Variants in OR9Q1 observed in about 807,000 individuals in gnomAD.
OR9Q1 encodes the protein olfactory receptor 9Q1.
For missense variants in OR9Q1, 374 were observed against 378.8 expected, an observed-to-expected ratio of 0.99 and a Z score of 0.11; for synonymous variants, 153 against 148.6, an observed-to-expected ratio of 1.03 and a Z score of -0.22.
At chr11:58,048,679 A>AAATATATATATACATAT (rs745596668) in intron 1 of OR9Q1, among the ~76,000 whole-genome samples, 2 of 131,398 alleles carry the variant, frequency 1.5e-5, no homozygotes, top group African/African-American at 5.6e-5. Flanking sequence ...TAAAAAAAAA[A>AAATATATATATACATAT]ATATATATAT....
In OR9Q1 at chr11:58,180,063, A is replaced by T. The variant is rs1854648209; in HGVS notation, c.619A>T (p.Ile207Phe). 3.7e-6 allele frequency: 6 copies of T among 1,614,024 alleles called. No homozygotes were observed. The South Asian group carries it at 6.6e-5, about 18-fold the overall frequency. The part of the protein sequence containing the change: ...VLIIMFAIFV[I>F]PASMVVILVS... ...GATTATTATGTTTGCCATTTTTGTCATCCCTGCTTCCATGGTGGTGATCTT... is the reference window on the plus strand; with the variant it reads ...GATTATTATGTTTGCCATTTTTGTCTTCCCTGCTTCCATGGTGGTGATCTT... Residue 207 changes from isoleucine (I) to phenylalanine (F), a missense_variant, in exon 3 of 3, where the codon ATC (isoleucine) becomes TTC (phenylalanine). Physicochemically the swap from Ile to Phe is conservative, Grantham distance 21 (BLOSUM62 0). Coordinates refer to ENST00000335397, the MANE Select transcript of OR9Q1 (RefSeq NM_001005212.4).
At chr11:58,123,965 A>G (rs538754428) in intron 2 of OR9Q1, among the ~76,000 whole-genome samples, 35 of 152,294 alleles carry the variant, frequency 2.3e-4, no homozygotes, top group Middle Eastern at 3.4e-3. Context: ...TGCTCAACCA[A>G]TTGGAACCTC....
At chr11:58,040,648 A>G (rs1360526621) in intron 1 of OR9Q1, 1 of 152,198 alleles carries the variant, frequency 6.6e-6, no homozygotes, top group East Asian at 1.9e-4. Flanking sequence ...GAAATATAAA[A>G]TAGAAGCAGC....
chr11:58,158,986 A>C (rs1854433930), intron 2 of OR9Q1, among the ~76,000 whole-genome samples: 3 of 152,218 alleles, frequency 2.0e-5, no homozygotes, highest in Non-Finnish European at 4.4e-5. Flanking sequence ...CATTTTTGCC[A>C]GTGGGTTATG....
intron 1 of OR9Q1, among the ~76,000 whole-genome samples, chr11:58,048,677 A>ATATATATATATATATATATATATAT (rs796426109): frequency 1.8e-5 from 2 of 109,826 alleles, no homozygotes; most frequent in African/African-American, 7.1e-5. Flanking sequence ...CTTAAAAAAA[A>ATATATATATATATATATATATATAT]AAATATATAT....
At chr11:58,058,535 A>G (rs1853348406) in intron 2 of OR9Q1, among the ~76,000 whole-genome samples, 1 of 152,216 alleles carries the variant, frequency 6.6e-6, no homozygotes, top group Non-Finnish European at 1.5e-5. Context: ...TTTGGGACCC[A>G]GCACCGAGGG....
intron 2 of OR9Q1, among the ~76,000 whole-genome samples, chr11:58,149,566 GA>G (rs1340232167): frequency 6.6e-6 from 1 of 152,048 alleles, no homozygotes; most frequent in Non-Finnish European, 1.5e-5. Flanking sequence ...TCCTTCTCCA[GA>G]ACTTTTTTCA....
At chr11:58,140,718 C>G (rs143829214) in intron 2 of OR9Q1, among the ~76,000 whole-genome samples, 1 of 151,932 alleles carries the variant, frequency 6.6e-6, no homozygotes, top group African/African-American at 2.4e-5. Flanking sequence ...AGTCAGGTAG[C>G]GTGATGCCTC....
chr11:58,142,921 T>A (rs1441279420), intron 2 of OR9Q1, among the ~76,000 whole-genome samples: 2 of 152,092 alleles, frequency 1.3e-5, no homozygotes, highest in African/African-American at 2.4e-5. Context: ...AGAGGAGAAC[T>A]TGGAAACCAG....
chr11:58,030,543 A>G (rs2119909591), intron 1 of OR9Q1, among the ~76,000 whole-genome samples: 1 of 152,288 alleles, frequency 6.6e-6, no homozygotes, highest in South Asian at 2.1e-4. Context: ...CTCTACTTGA[A>G]GTTTCCCCAA....
chr11:58,143,950 T>C (rs944237957), intron 2 of OR9Q1, among the ~76,000 whole-genome samples: 1 of 152,178 alleles, frequency 6.6e-6, no homozygotes, highest in South Asian at 2.1e-4. Context: ...TGTAAAGTGC[T>C]TTACAAATCT....
intron 1 of OR9Q1, among the ~76,000 whole-genome samples, chr11:58,028,838 T>C (rs937895023): frequency 4.6e-5 from 7 of 152,322 alleles, no homozygotes; most frequent in Middle Eastern, 3.4e-3. Flanking sequence ...TTATTTCTGA[T>C]TTTTTATCTC....
chr11:58,179,413 C>T lies in OR9Q1; in HGVS notation c.-14-18C>T. ...TATTTGCACCTTCCTAACTTGCTTC[C>T]CATTCTACATGTCTCAGGGACCACT... On this transcript the variant is annotated intron_variant, in intron 2 of 2. Coordinates refer to ENST00000335397, the MANE Select transcript of OR9Q1 (RefSeq NM_001005212.4). 4.9e-6 allele frequency: 7 copies of T among 1,441,066 alleles called. No homozygotes were observed. Among genetic ancestry groups the T allele is most frequent in the Non-Finnish European group, 6.6e-6 (7 of 1,061,272 alleles). The allele number at this position is 1,441,066 out of a possible 1,614,324, so 89.3% of individuals were successfully genotyped here.
intron 2 of OR9Q1, among the ~76,000 whole-genome samples, chr11:58,103,731 C>T (rs1853813263): frequency 6.6e-6 from 1 of 152,188 alleles, no homozygotes. Context: ...TTTCAATTTA[C>T]TGGAGTAGCT....
At chr11:58,140,894 C>T (rs1432227645) in intron 2 of OR9Q1, among the ~76,000 whole-genome samples, 4 of 152,180 alleles carry the variant, frequency 2.6e-5, no homozygotes, top group Admixed American at 1.3e-4. Context: ...GCCATTTTCA[C>T]GATACTGATT....
intron 2 of OR9Q1, among the ~76,000 whole-genome samples, chr11:58,096,566 G>A (rs1337060399): frequency 1.3e-5 from 2 of 152,172 alleles, no homozygotes; most frequent in Admixed American, 6.6e-5. Context: ...CCAGGCTGGA[G>A]TGCAGTGGCA....
intron 1 of OR9Q1, among the ~76,000 whole-genome samples, chr11:58,037,454 T>C (rs1460041236): frequency 6.6e-6 from 1 of 151,644 alleles, no homozygotes; most frequent in Non-Finnish European, 1.5e-5. Context: ...CAAAATGAGT[T>C]AGACTTTTAG....
intron 2 of OR9Q1, chr11:58,109,064 G>C: frequency 2.1e-6 from 1 of 470,620 alleles, no homozygotes; most frequent in Non-Finnish European, 4.3e-6. Context: ...GCACAAAGGA[G>C]AATGACAATC....
chr11:58,150,991 T>C (rs957240844), intron 2 of OR9Q1, among the ~76,000 whole-genome samples: 2 of 152,332 alleles, frequency 1.3e-5, no homozygotes, highest in Admixed American at 6.5e-5. Context: ...CCACATCCAA[T>C]GTCATGAAGC....
Sources: allele counts gnomAD v4.1 joint callset (sites outside exome capture counted in the v4.1 genomes callset), GRCh38; gene constraint gnomAD v4.1.1; transcripts MANE v1.5; gene names NCBI Gene and HGNC (gene_info 2026-07-23, HGNC 2026-07-21).